Variants in ITGA9 observed in about 807,000 individuals in gnomAD.
The protein encoded by ITGA9 is integrin subunit alpha 9, also known as integrin alpha-9.
ITGA9 carries 56 observed loss-of-function variants against 127.8 expected under a neutral mutation model. That is an observed-to-expected ratio of 0.44 (90% CI 0.35 to 0.55). The LOEUF is 0.55. Ranked by LOEUF, ITGA9 falls within the 20% of genes least tolerant of loss-of-function variation. The pLI is 0.00. For synonymous variants in ITGA9, 508 were observed against 514.5 expected, an observed-to-expected ratio of 0.99 and a Z score of 0.17; for missense variants, 1,196 against 1,347.1, an observed-to-expected ratio of 0.89 and a Z score of 1.76.
chr3:37,766,895 C>G (rs1269431571), intron 23 of ITGA9, among the ~76,000 whole-genome samples: 2 of 152,250 alleles, frequency 1.3e-5, no homozygotes, highest in Non-Finnish European at 2.9e-5. Flanking sequence ...GTCACTGCCT[C>G]TCTCAGACTA....
At chr3:37,713,471 A>G (rs1240069205) in intron 18 of ITGA9, among the ~76,000 whole-genome samples, 1 of 152,178 alleles carries the variant, frequency 6.6e-6, no homozygotes, top group Non-Finnish European at 1.5e-5. Context: ...GACTGGGGCC[A>G]TGGATTGAGC....
At position 37,814,666 on chromosome 3, in the gene ITGA9, G is replaced by C. The variant is rs1697408504; in HGVS notation, c.3010-4225G>C. Among the ~76,000 whole-genome samples, 1 of 152,100 alleles carries C rather than the reference G, an allele frequency of 6.6e-6. No individual in the cohort carries two copies. The highest frequency in any genetic ancestry group is 2.4e-5 in the African/African-American group (1 of 41,398). On this transcript the variant is annotated intron_variant, in intron 27 of 27. Coordinates refer to ENST00000264741, the MANE Select transcript of ITGA9 (RefSeq NM_002207.3). The surrounding 1 kb of genome is among the most constrained non-coding windows in gnomAD (Gnocchi z 4.3). The stretch of plus-strand genomic sequence containing the variant: ...ATAGTAAATAGCACCGCTTCCTAAA[G>C]ACTCTTTACTTCCATCTGTCAGAAA...
intron 4 of ITGA9, among the ~76,000 whole-genome samples, chr3:37,484,964 G>A (rs1425733107): frequency 6.6e-6 from 1 of 152,202 alleles, no homozygotes; most frequent in South Asian, 2.1e-4. Flanking sequence ...ATCATAGGGT[G>A]ACTGACTTGT....
At chr3:37,761,604 C>A (rs1696723677) in intron 23 of ITGA9, among the ~76,000 whole-genome samples, 1 of 152,174 alleles carries the variant, frequency 6.6e-6, no homozygotes, top group Admixed American at 6.5e-5. Flanking sequence ...ATCTAATCTT[C>A]ATAATAATTT....
At chr3:37,715,854 G>T (rs560591963) in intron 18 of ITGA9, among the ~76,000 whole-genome samples, 1 of 152,306 alleles carries the variant, frequency 6.6e-6, no homozygotes, top group South Asian at 2.1e-4. Flanking sequence ...ATGTTTTTGT[G>T]TGGTAGTCTC....
At chr3:37,557,708 CAT>C (rs1248314357) in intron 15 of ITGA9, among the ~76,000 whole-genome samples, 1 of 152,092 alleles carries the variant, frequency 6.6e-6, no homozygotes, top group Non-Finnish European at 1.5e-5. Context: ...CTATATGCTA[CAT>C]GTTTTACATG....
chr3:37,760,578 T>A (rs1696712213), intron 23 of ITGA9, among the ~76,000 whole-genome samples: 1 of 152,122 alleles, frequency 6.6e-6, no homozygotes, highest in Admixed American at 6.5e-5. Flanking sequence ...ACAGTGGCAG[T>A]GTATAAACTC....
At chr3:37,798,143 A>G (rs928988570) in intron 26 of ITGA9, among the ~76,000 whole-genome samples, 2 of 152,146 alleles carry the variant, frequency 1.3e-5, no homozygotes, top group Non-Finnish European at 2.9e-5. Flanking sequence ...GTTGCATGCC[A>G]CCATGCCCAG....
chr3:37,498,646 G>C (rs1215716045), intron 5 of ITGA9, among the ~76,000 whole-genome samples: 2 of 152,222 alleles, frequency 1.3e-5, no homozygotes, highest in African/African-American at 4.8e-5. Flanking sequence ...ACAGCAAAGT[G>C]GGGACATGGT....
At chr3:37,503,746 T>C (rs1199700905) in intron 6 of ITGA9, among the ~76,000 whole-genome samples, 1 of 152,198 alleles carries the variant, frequency 6.6e-6, no homozygotes, top group African/African-American at 2.4e-5. Flanking sequence ...GGCAACCTAA[T>C]GCTGAAGGTT....
At chr3:37,467,776 T>G (rs1294211252) in intron 1 of ITGA9, among the ~76,000 whole-genome samples, 1 of 151,960 alleles carries the variant, frequency 6.6e-6, no homozygotes, top group East Asian at 1.9e-4. Flanking sequence ...GTGGAAGAGG[T>G]ATTTTATGCT....
chr3:37,495,126 T>C (rs189454997), intron 5 of ITGA9, among the ~76,000 whole-genome samples: 11 of 152,270 alleles, frequency 7.2e-5, no homozygotes, highest in Non-Finnish European at 1.5e-4. Flanking sequence ...GCCACACCTG[T>C]ATTTTTAGTA....
chr3:37,552,654 C>T (rs545186025), intron 15 of ITGA9, among the ~76,000 whole-genome samples: 8 of 152,216 alleles, frequency 5.3e-5, no homozygotes, highest in Admixed American at 3.3e-4. Context: ...TGGGCGTATG[C>T]GTGTGTGCAT....
intron 17 of ITGA9, among the ~76,000 whole-genome samples, chr3:37,654,506 T>A (rs982172298): frequency 4.0e-4 from 61 of 152,234 alleles, no homozygotes; most frequent in African/African-American, 1.4e-3. Context: ...CAGTTCCTTC[T>A]GAAAGACTGT....
chr3:37,579,089 GCCTCCC>G (rs1699679433), intron 15 of ITGA9, among the ~76,000 whole-genome samples: 1 of 152,086 alleles, frequency 6.6e-6, no homozygotes, highest in Non-Finnish European at 1.5e-5. Context: ...CCAGGAAATG[GCCTCCC>G]CAGCAGTGTG....
intron 17 of ITGA9, among the ~76,000 whole-genome samples, chr3:37,660,159 A>G (rs1575183775): frequency 6.6e-6 from 1 of 152,236 alleles, no homozygotes. Flanking sequence ...ATTGTTTCAC[A>G]TTAGTACGAA....
chr3:37,750,340 A>G, intron 22 of ITGA9, 122 bp from the exon 23 acceptor site: 1 of 715,758 alleles, frequency 1.4e-6, no homozygotes. Flanking sequence ...GTGACCTTCC[A>G]GATCCGAACC....
At chr3:37,514,538 G>GGT (rs748925696) in intron 9 of ITGA9, among the ~76,000 whole-genome samples, 2 of 152,124 alleles carry the variant, frequency 1.3e-5, no homozygotes, top group Non-Finnish European at 2.9e-5. Context: ...AGCATGGGGG[G>GGT]GCAGGGGACT....
At chr3:37,713,771 C>T (rs1164370314) in intron 18 of ITGA9, among the ~76,000 whole-genome samples, 2 of 152,214 alleles carry the variant, frequency 1.3e-5, no homozygotes, top group Non-Finnish European at 2.9e-5. Flanking sequence ...CAAGGGTCTC[C>T]TGGCCAGCCC....
Sources: allele counts gnomAD v4.1 joint callset (sites outside exome capture counted in the v4.1 genomes callset), GRCh38; gene constraint gnomAD v4.1.1; non-coding constraint Gnocchi (gnomAD v3.1); transcripts MANE v1.5; gene names NCBI Gene and HGNC (gene_info 2026-07-23, HGNC 2026-07-21).